Variants in GABRB1 observed in about 807,000 individuals in gnomAD.
GABRB1 encodes gamma-aminobutyric acid type A receptor subunit beta1, also known as gamma-aminobutyric acid receptor subunit beta-1.
GABRB1 carries 17 observed loss-of-function variants against 51.6 expected under a neutral mutation model. The observed-to-expected ratio is 0.33, with a 90% CI of 0.23 to 0.49. GABRB1 has a LOEUF of 0.49. Ranked by LOEUF, GABRB1 falls within the 20% of genes least tolerant of loss-of-function variation. GABRB1 has a pLI of 0.99. For synonymous variants in GABRB1, 247 were observed against 218.9 expected (o/e 1.13, Z -1.14); for missense variants, 410 against 600.6 (o/e 0.68, Z 3.32).
At chr4:47,032,599 C>A (rs944740546) in intron 3 of GABRB1, 115 bp downstream of exon 3, 2 of 974,406 alleles carry the variant, frequency 2.1e-6, no homozygotes, top group Admixed American at 3.5e-5. Flanking sequence ...CCTGAGGTCC[C>A]ACTCCGCACC....
intron 3 of GABRB1, among the ~76,000 whole-genome samples, chr4:47,036,043 C>CA (rs1725542700): frequency 6.6e-6 from 1 of 152,138 alleles, no homozygotes; most frequent in Non-Finnish European, 1.5e-5. Context: ...ATGCAGGACT[C>CA]AATTCAAGCT....
chr4:47,272,705 C>A (rs1722919546), intron 4 of GABRB1, among the ~76,000 whole-genome samples: 1 of 152,118 alleles, frequency 6.6e-6, no homozygotes, highest in South Asian at 2.1e-4. Context: ...TCCTTACAAA[C>A]ACTATCCCAC....
intron 1 of GABRB1, among the ~76,000 whole-genome samples, chr4:47,007,029 A>T (rs1408931658): frequency 6.6e-6 from 1 of 151,988 alleles, no homozygotes; most frequent in African/African-American, 2.4e-5. Context: ...TGTCCCACCT[A>T]CTTAGGAGGC....
chr4:47,254,032 T>C (rs1258678481), intron 4 of GABRB1, among the ~76,000 whole-genome samples: 1 of 152,186 alleles, frequency 6.6e-6, no homozygotes, highest in East Asian at 1.9e-4. Flanking sequence ...AATATGGGCA[T>C]TGTACTGACA....
intron 5 of GABRB1, among the ~76,000 whole-genome samples, chr4:47,345,432 AT>A (rs1726054483): frequency 6.6e-6 from 1 of 152,130 alleles, no homozygotes; most frequent in African/African-American, 2.4e-5. Context: ...TTTTTTTGAG[AT>A]TGTGTCTATT....
At chr4:47,316,084 G>A (rs1472491112) in intron 4 of GABRB1, among the ~76,000 whole-genome samples, 2 of 151,514 alleles carry the variant, frequency 1.3e-5, no homozygotes, top group Admixed American at 6.6e-5. Flanking sequence ...ATAATAAGAA[G>A]CATTACACTA....
At chr4:47,043,018 T>G (rs1487960424) in intron 3 of GABRB1, 2 of 152,096 alleles carry the variant, frequency 1.3e-5, no homozygotes, top group Non-Finnish European at 2.9e-5. Context: ...TGGTGAAATT[T>G]TCTTACCACT....
At chr4:47,153,261 C>T (rs1401433574) in intron 3 of GABRB1, among the ~76,000 whole-genome samples, 1 of 151,920 alleles carries the variant, frequency 6.6e-6, no homozygotes, top group East Asian at 1.9e-4. Flanking sequence ...AATGAATTAG[C>T]CATTCTAACA....
chr4:47,022,603 T>C (rs1724958160), intron 1 of GABRB1, among the ~76,000 whole-genome samples: 1 of 152,166 alleles, frequency 6.6e-6, no homozygotes, highest in East Asian at 1.9e-4. Flanking sequence ...CAATGAGATG[T>C]CATCTCGCCC....
chr4:47,141,141 C>T (rs1716915788), intron 3 of GABRB1, among the ~76,000 whole-genome samples: 1 of 151,762 alleles, frequency 6.6e-6, no homozygotes, highest in Admixed American at 6.6e-5. Flanking sequence ...CTGAATTCTT[C>T]TCCTATGTAG....
intron 7 of GABRB1, among the ~76,000 whole-genome samples, chr4:47,405,687 A>T (rs1361367974): frequency 1.2e-4 from 19 of 152,174 alleles, no homozygotes; most frequent in Admixed American, 1.2e-3. Flanking sequence ...CAGCCATGTA[A>T]GATAATTTAT....
intron 4 of GABRB1, among the ~76,000 whole-genome samples, chr4:47,187,368 G>A (rs1281520889): frequency 6.6e-6 from 1 of 151,792 alleles, no homozygotes; most frequent in East Asian, 1.9e-4. Flanking sequence ...GGAACCAACT[G>A]CATTTCAGCA....
intron 4 of GABRB1, among the ~76,000 whole-genome samples, chr4:47,168,684 C>T (rs947608804): frequency 4.6e-5 from 7 of 152,092 alleles, no homozygotes; most frequent in East Asian, 1.9e-4. Context: ...ATATTGACAG[C>T]GTGATCTATC....
chr4:47,368,220 A>G (rs922242168), intron 5 of GABRB1, among the ~76,000 whole-genome samples: 1 of 152,136 alleles, frequency 6.6e-6, no homozygotes, highest in Non-Finnish European at 1.5e-5. Flanking sequence ...TCAACATATA[A>G]ATATCCTCAA....
chr4:47,031,710 C>T lies in GABRB1; in HGVS notation c.59C>T (p.Thr20Ile), dbSNP rs1351013482. 1 of 1,613,556 alleles carries T rather than the reference C, an allele frequency of 6.2e-7. No homozygotes were observed. Among genetic ancestry groups the T allele is most frequent in the Non-Finnish European group, 8.5e-7 (1 of 1,179,624 alleles). Residue 20 changes from threonine to isoleucine, a missense_variant, in exon 1 of 9, where the codon ACC becomes ATC. By Grantham distance (89) the Thr-to-Ile change is moderately conservative. Around this residue, in one of 5 missense-constraint regions of GABRB1, gnomAD observed 56 missense variants for 54.8 expected, o/e 1.02. Coordinates refer to ENST00000295454, the MANE Select transcript of GABRB1 (RefSeq NM_000812.4). ...CTTCTCTCTTTCCCTGTGATGATTA[C>T]CATGGTCTGTTGTGCACACAGGTGA... ...LGLLSFPVMI[T>I]MVCCAHSTNE...
chr4:47,181,239 C>G (rs1036775856), intron 4 of GABRB1, among the ~76,000 whole-genome samples: 2 of 151,888 alleles, frequency 1.3e-5, no homozygotes, highest in Non-Finnish European at 2.9e-5. Flanking sequence ...TGAACGGAAT[C>G]CTAGGCATTT....
intron 3 of GABRB1, among the ~76,000 whole-genome samples, chr4:47,134,309 T>C (rs1050652727): frequency 1.3e-5 from 2 of 152,138 alleles, no homozygotes; most frequent in Non-Finnish European, 2.9e-5. Context: ...GCTAGATAAT[T>C]GCACCCTCTA....
intron 4 of GABRB1, among the ~76,000 whole-genome samples, chr4:47,239,188 A>C (rs1351946791): frequency 6.6e-6 from 1 of 152,202 alleles, no homozygotes; most frequent in Non-Finnish European, 1.5e-5. Context: ...CTCAATCAAG[A>C]TACTGAATAT....
chr4:47,203,587 T>G (rs1577998382), intron 4 of GABRB1, among the ~76,000 whole-genome samples: 1 of 152,206 alleles, frequency 6.6e-6, no homozygotes, highest in East Asian at 1.9e-4. Context: ...CTTTCTGCTG[T>G]TACAACCATC....
Sources: gnomAD v4.1 joint callset for allele counts (sites outside exome capture counted in the v4.1 genomes callset) on GRCh38, gnomAD v4.1.1 for gene constraint, gnomAD v4.1.1 regional missense constraint, MANE v1.5 for transcripts, NCBI Gene and HGNC (gene_info 2026-07-23, HGNC 2026-07-21) for gene names.